MEIS2: variants seen among roughly 807,000 people sequenced by gnomAD.
MEIS2 encodes homeobox protein Meis2.
MEIS2 carries 9 observed loss-of-function variants against 58.6 expected under a neutral mutation model. The ratio of observed to expected loss-of-function variants is 0.15; its 90% confidence interval spans 0.09 to 0.27. MEIS2 has a LOEUF of 0.27. MEIS2 is among the 10% of genes least tolerant of loss of function. The pLI, the probability that MEIS2 is intolerant of heterozygous loss-of-function variation, is 1.00. For missense variants in MEIS2, 427 were observed against 635.0 expected (o/e 0.67, Z 3.52); for synonymous variants, 221 against 228.4 (o/e 0.97, Z 0.29).
At chr15:36,940,216 T>A (rs2058326409) in intron 9 of MEIS2, among the ~76,000 whole-genome samples, 1 of 152,160 alleles carries the variant, frequency 6.6e-6, no homozygotes, top group Admixed American at 6.5e-5. Flanking sequence ...ACCTAGCAAA[T>A]CTTTCAAATG....
rs75024402 is a variant in MEIS2 at position 36,935,206 on chromosome 15, C to T, written c.977+15118G>A. ...TTTTTCTTTTTTTTTTTTTTTTTAG[C>T]GGAGGAGAAATTCTTCTTTTCATTA... is the stretch of plus-strand genomic sequence containing the variant. On this transcript the variant is annotated intron_variant, in intron 9 of 11. Transcript: ENST00000561208. Among the ~76,000 whole-genome samples, 113 of 138,324 alleles carry T rather than the reference C, an allele frequency of 8.2e-4. No homozygotes were observed. The East Asian group carries it at 0.021, about 26-fold the overall frequency. 90.7% of individuals were successfully genotyped at this position (138,324 alleles called of 152,430 possible). A position where few individuals can be genotyped will look rare whatever the true frequency, so the allele number is the denominator to read the frequency against.
At chr15:36,939,563 T>C (rs1443287278) in intron 9 of MEIS2, among the ~76,000 whole-genome samples, 1 of 151,906 alleles carries the variant, frequency 6.6e-6, no homozygotes, top group Admixed American at 6.6e-5. Flanking sequence ...TTTTTTAATT[T>C]GTTAATGATT....
chr15:37,078,605 CAAAAAAAAAA>C (rs540405090), intron 7 of MEIS2, among the ~76,000 whole-genome samples: 7 of 69,412 alleles, frequency 1.0e-4, no homozygotes, highest in African/African-American at 2.4e-4. Context: ...AAAAAACAAC[CAAAAAAAAAA>C]AAAAAAAAAA....
intron 7 of MEIS2, among the ~76,000 whole-genome samples, chr15:37,059,418 T>G (rs1449543373): frequency 6.6e-6 from 1 of 152,188 alleles, no homozygotes; most frequent in Non-Finnish European, 1.5e-5. Flanking sequence ...GATAAAGAAT[T>G]ACAGGCTCTT....
intron 8 of MEIS2, among the ~76,000 whole-genome samples, chr15:36,956,179 A>C (rs2058965018): frequency 7.1e-6 from 1 of 141,034 alleles, no homozygotes; most frequent in Non-Finnish European, 1.5e-5. Context: ...ACAGAGCAAA[A>C]CTCCATCTCA....
intron 8 of MEIS2, among the ~76,000 whole-genome samples, chr15:36,981,367 A>C (rs550389758): frequency 6.3e-4 from 96 of 152,078 alleles, no homozygotes; most frequent in African/African-American, 2.3e-3. Flanking sequence ...TTTACTAGTT[A>C]TTTTAATTTT....
At chr15:36,971,572 T>C (rs2059573867) in intron 8 of MEIS2, among the ~76,000 whole-genome samples, 1 of 58,794 alleles carries the variant, frequency 1.7e-5, no homozygotes, top group Non-Finnish European at 3.4e-5. Context: ...AAAGGGCTGT[T>C]CCAGTGATAG....
intron 7 of MEIS2, among the ~76,000 whole-genome samples, chr15:37,069,569 C>T (rs1890403731): frequency 6.6e-6 from 1 of 152,154 alleles, no homozygotes; most frequent in Admixed American, 6.5e-5. Flanking sequence ...GTGACACATC[C>T]AAGTGGGCAA....
intron 8 of MEIS2, among the ~76,000 whole-genome samples, chr15:36,962,429 A>G (rs1212332958): frequency 1.3e-5 from 2 of 152,156 alleles, no homozygotes; most frequent in Non-Finnish European, 2.9e-5. Context: ...TTTGCATATA[A>G]CCTATGCACA....
intron 5 of MEIS2, chr15:37,093,989 G>T: frequency 2.3e-6 from 1 of 435,776 alleles, no homozygotes; most frequent in Non-Finnish European, 4.1e-6. Context: ...AAACAGGACT[G>T]GAAATAACTG....
intron 7 of MEIS2, among the ~76,000 whole-genome samples, chr15:37,082,424 G>A (rs1262750252): frequency 2.0e-5 from 3 of 152,002 alleles, no homozygotes; most frequent in Non-Finnish European, 4.4e-5. Context: ...TGGGAAGGAT[G>A]GAGTCATAGA....
chr15:36,951,611 G>A (rs888087519), intron 8 of MEIS2, among the ~76,000 whole-genome samples: 3 of 152,084 alleles, frequency 2.0e-5, no homozygotes, highest in Admixed American at 1.3e-4. Context: ...ATGCCATTAG[G>A]TTAAACAAAA....
chr15:36,900,284 T>C (rs995119289), intron 9 of MEIS2, among the ~76,000 whole-genome samples: 1 of 152,196 alleles, frequency 6.6e-6, no homozygotes, highest in Non-Finnish European at 1.5e-5. Context: ...ATTAGCCTCA[T>C]TGTGACTTTT....
intron 8 of MEIS2, among the ~76,000 whole-genome samples, chr15:37,010,364 G>A (rs907449527): frequency 6.6e-6 from 1 of 151,776 alleles, no homozygotes; most frequent in Non-Finnish European, 1.5e-5. Context: ...TGAGATTACA[G>A]GCATGAGCCA....
intron 7 of MEIS2, among the ~76,000 whole-genome samples, chr15:37,082,867 T>C (rs1462123798): frequency 2.6e-5 from 4 of 152,042 alleles, no homozygotes; most frequent in African/African-American, 4.8e-5. Context: ...TAACTACAGC[T>C]CGAGCTGTTA....
intron 8 of MEIS2, among the ~76,000 whole-genome samples, chr15:36,972,171 G>GA (rs1295641004): frequency 6.6e-6 from 1 of 152,060 alleles, no homozygotes; most frequent in Non-Finnish European, 1.5e-5. Flanking sequence ...TTTTAAAAAA[G>GA]AAAAACTTCT....
intron 9 of MEIS2, among the ~76,000 whole-genome samples, chr15:36,922,321 A>G (rs1267885584): frequency 2.6e-5 from 4 of 152,212 alleles, no homozygotes; most frequent in Non-Finnish European, 5.9e-5. Flanking sequence ...GTGAGACAGC[A>G]TATATAAAAG....
rs546757099 is a variant in MEIS2 at position 37,073,977 on chromosome 15, A to T, written c.754+9794T>A. ...GTCTAAATAATTATAATTTGGCTAA[A>T]TATATATGTAACTGTAAAATTCTCC... On this transcript the variant is annotated intron_variant, in intron 7 of 11. Transcript: ENST00000561208. 4.6e-4 allele frequency among the ~76,000 whole-genome samples: 70 copies of T among 152,160 alleles called. 2 individuals carry two copies. The South Asian group carries it at 0.012, about 27-fold the overall frequency.
At chr15:37,033,534 T>C (rs2062018875) in intron 8 of MEIS2, among the ~76,000 whole-genome samples, 1 of 152,106 alleles carries the variant, frequency 6.6e-6, no homozygotes, top group Admixed American at 6.6e-5. Context: ...AACAAACCAG[T>C]TTGAAATAAT....
Sources: allele counts gnomAD v4.1 joint callset (sites outside exome capture counted in the v4.1 genomes callset), GRCh38; gene constraint gnomAD v4.1.1; transcripts MANE v1.5; gene names NCBI Gene and HGNC (gene_info 2026-07-23, HGNC 2026-07-21).